ZNF687: variants seen among roughly 807,000 people sequenced by gnomAD.
The protein encoded by ZNF687 is zinc finger protein 687.
In ZNF687, 13 loss-of-function variants were observed where a neutral mutation model predicts 71.8. The ratio of observed to expected loss-of-function variants is 0.18; its 90% confidence interval spans 0.12 to 0.29. The LOEUF (loss-of-function observed/expected upper bound fraction) is 0.29, where lower values mean the gene tolerates loss of function less well. ZNF687 is among the 10% of genes least tolerant of loss of function. The pLI is 1.00. For synonymous variants in ZNF687, 673 were observed against 641.6 expected, an observed-to-expected ratio of 1.05 and a Z score of -0.74; for missense variants, 1,412 against 1,625.6, an observed-to-expected ratio of 0.87 and a Z score of 2.26.
rs267598010 is a variant in ZNF687, at chr1:151,286,768, C to A, written c.477C>A (p.Pro159=). 36 of 1,614,088 alleles carry A rather than the reference C, an allele frequency of 2.2e-5. No individual in the cohort carries two copies. The highest frequency in any genetic ancestry group is 2.9e-5 in the Non-Finnish European group (34 of 1,180,038). ...AAAAAGGCATGGAAGGCAAAACTCCCTTGGACCTGTTTGCTCATTTTGGCC... is the reference window on the plus strand; with the variant it reads ...AAAAAGGCATGGAAGGCAAAACTCCATTGGACCTGTTTGCTCATTTTGGCC... The part of the protein sequence containing the change: ...WKEKGMEGKT[P]LDLFAHFGPE... The change falls in exon 2 of 9, where the codon CCC becomes CCA. Residue 159 remains proline (P), a synonymous_variant. Transcript: ENST00000336715.
upstream of ZNF687, chr1:151,281,600 C>G (rs761949050): frequency 2.1e-6 from 1 of 471,116 alleles, no homozygotes; most frequent in Admixed American, 2.3e-5. Flanking sequence ...CGCCCTCCCG[C>G]AGAGGGAGGA....
Position 151,289,257 on chromosome 1 carries a change from A to C in ZNF687, c.2457A>C (p.Gln819His), listed in dbSNP as rs115912410. 3.4e-3 allele frequency: 5,482 copies of C among 1,613,934 alleles called. 122 individuals carry two copies. The African/African-American group carries it at 0.057, about 17-fold the overall frequency. Residue 819 changes from glutamine (Q) to histidine (H), a missense_variant, in exon 4 of 9, where the codon CAA becomes CAC. Transcript: ENST00000336715. ...TCTACTCCCAGCATCCCAGCTTCCAAACTCAGCAGGCCAAGTGAGGCCCGG... is the reference window on the plus strand; with the variant it reads ...TCTACTCCCAGCATCCCAGCTTCCACACTCAGCAGGCCAAGTGAGGCCCGG... ...AHLYSQHPSF[Q>H]TQQAKLIYKC...
intron 7 of ZNF687, 66 bp downstream of exon 7, chr1:151,290,300 T>C: frequency 6.2e-7 from 1 of 1,607,982 alleles, no homozygotes; most frequent in Non-Finnish European, 8.5e-7. Flanking sequence ...CCAAAGTACC[T>C]GTGCACCTGC....
intron 8 of ZNF687, 24 bp from the exon 9 acceptor site, chr1:151,290,691 C>G: frequency 1.9e-6 from 3 of 1,585,500 alleles, no homozygotes; most frequent in Non-Finnish European, 2.6e-6. Flanking sequence ...GTGGTAAGGC[C>G]CAGTTTCTTC....
In ZNF687 at chr1:151,292,086, C is replaced by T. The variant is rs1032747122; in HGVS notation, c.*877C>T. ...GAGGCATCCGTTCATACCTCATCAC[C>T]CATCTCCCCCTGCACTCCCCCAGAA... On this transcript the variant is annotated 3_prime_UTR_variant, in exon 9 of 9. Coordinates refer to ENST00000336715, the MANE Select transcript of ZNF687 (RefSeq NM_020832.3). 3 of 152,216 alleles carry T rather than the reference C, an allele frequency of 2.0e-5. No individual in the cohort carries two copies. Among genetic ancestry groups the T allele is most frequent in the Admixed American group, 6.5e-5 (1 of 15,274 alleles). The allele number at this position is 152,216 out of a possible 1,614,324, so 9.4% of individuals were successfully genotyped here.
At chr1:151,281,632 CAGG>C, upstream of ZNF687, 1 of 471,022 alleles carries the variant, frequency 2.1e-6, no homozygotes, top group Non-Finnish European at 4.4e-6. Flanking sequence ...CGCTGTCGCC[CAGG>C]AGCTGAACCG....
upstream of ZNF687, chr1:151,282,036 T>C: frequency 7.8e-7 from 1 of 1,275,854 alleles, no homozygotes; most frequent in Non-Finnish European, 1.0e-6. Context: ...TTTACGAGAC[T>C]CGTAGATGGG....
intron 1 of ZNF687, among the ~76,000 whole-genome samples, chr1:151,284,908 CAG>C (rs1387896934): frequency 2.7e-5 from 4 of 145,922 alleles, no homozygotes; most frequent in Non-Finnish European, 6.0e-5. Flanking sequence ...CTCCCGGGCT[CAG>C]GGGATCCTCC....
At position 151,287,147 on chromosome 1, in the gene ZNF687, G is replaced by C. The variant is rs1405832889; in HGVS notation, c.856G>C (p.Glu286Gln). 4.3e-6 allele frequency: 7 copies of C among 1,614,028 alleles called. No individual in the cohort carries two copies. The highest frequency in any genetic ancestry group is 1.7e-5 in the Admixed American group (1 of 60,014). ...PKVPVCQPLK[E>Q]EDDDEGPVDK... is the part of the protein sequence containing the mutation. The stretch of plus-strand genomic sequence containing the variant: ...AGTGCCCGTCTGTCAGCCCTTGAAG[G>C]AAGAAGATGATGATGAGGGGCCAGT... Residue 286 changes from glutamate to glutamine, a missense_variant, in exon 2 of 9, where the codon GAA becomes CAA. Glu to Gln is a conservative substitution (Grantham distance 29, BLOSUM62 2). Coordinates refer to ENST00000336715, the MANE Select transcript of ZNF687 (RefSeq NM_020832.3). The surrounding 1 kb of genome is among the most constrained non-coding windows in gnomAD (Gnocchi z 5.0).
At position 151,292,133 on chromosome 1, in the gene ZNF687, G is replaced by GCTAA. The variant is rs772854646; in HGVS notation, c.*929_*932dup. The GCTAA allele has an allele frequency of 3.5e-4, 53 of 152,406 alleles. No homozygotes were observed. The highest frequency in any genetic ancestry group is 1.3e-3 in the African/African-American group (53 of 41,558). 9.4% of individuals were successfully genotyped at this position (152,406 alleles called of 1,614,324 possible). ...AGAAAACCTGGAAATGACACAAGTG[G>GCTAA]CTAACTAAGGACTTTATTTCAAACA... is the stretch of plus-strand genomic sequence containing the variant. On this transcript the variant is annotated 3_prime_UTR_variant, in exon 9 of 9. Transcript: ENST00000336715.
Position 151,287,217 on chromosome 1 carries a change from C to T in ZNF687, c.926C>T (p.Ala309Val). 1 of 1,614,184 alleles carries T rather than the reference C, an allele frequency of 6.2e-7. No homozygotes were observed. Among genetic ancestry groups the T allele is most frequent in the South Asian group, 1.1e-5 (1 of 91,088 alleles). ...PGSPQSPSSG[A>V]EAADEDSNDS... ...AGTCCCCAGAGTCCCTCTAGTGGGG[C>T]CGAGGCTGCAGATGAGGACAGCAAT... The change falls in exon 2 of 9, where the codon GCC becomes GTC. Residue 309 changes from alanine to valine, a missense_variant. Physicochemically the swap from Ala to Val is moderately conservative, Grantham distance 64. Coordinates refer to ENST00000336715, the MANE Select transcript of ZNF687 (RefSeq NM_020832.3). This position sits in a 1 kb window ranked among gnomAD's most constrained non-coding sequence, Gnocchi z 5.0.
At chr1:151,290,052 G>A (rs995705264) in intron 6 of ZNF687, 45 bp downstream of exon 6, 5 of 1,607,412 alleles carry the variant, frequency 3.1e-6, no homozygotes, top group Non-Finnish European at 4.3e-6. Flanking sequence ...GGGCAGCATT[G>A]GGACTGCCAG....
chr1:151,288,644 A>G lies in ZNF687; in HGVS notation c.2232A>G (p.Gln744=). Residue 744 remains glutamine (Q), a synonymous_variant, in exon 3 of 9, where the codon CAA becomes CAG. Coordinates refer to ENST00000336715, the MANE Select transcript of ZNF687 (RefSeq NM_020832.3). ...CTGAGTGTGGGGGCAACTTCCTGCA[A>G]GCCAATTTTCAGACCCATCTCCGGG... is the stretch of plus-strand genomic sequence containing the variant. The part of the protein sequence containing the change: ...VCPECGGNFL[Q]ANFQTHLREA... The G allele has an allele frequency of 6.2e-7, 1 of 1,614,096 alleles. No individual in the cohort carries two copies. The highest frequency in any genetic ancestry group is 1.3e-5 in the African/African-American group (1 of 75,026).
intron 1 of ZNF687, chr1:151,283,961 A>T (rs944463255): frequency 1.9e-4 from 188 of 985,312 alleles, no homozygotes; most frequent in Non-Finnish European, 2.2e-4. Context: ...TTCTTCGTAG[A>T]TACAGAAACA....
At chr1:151,284,442 C>T (rs946004141) in intron 1 of ZNF687, among the ~76,000 whole-genome samples, 36 of 152,066 alleles carry the variant, frequency 2.4e-4, no homozygotes, top group Non-Finnish European at 1.2e-4. Context: ...ACCATTTTCC[C>T]CTCTGTCTCT....
In ZNF687 at chr1:151,290,593, G is replaced by A. The variant is rs1256105275; in HGVS notation, c.3219+20G>A. Reference sequence around the variant, plus strand: ...GCCCAGGTAGGCAGAGGCCCGGCCTGCTGTGCTAGGGCTTTGAGTGGGAAA... The same window carrying A: ...GCCCAGGTAGGCAGAGGCCCGGCCTACTGTGCTAGGGCTTTGAGTGGGAAA... On this transcript the variant is annotated intron_variant, in intron 8 of 8. Transcript: ENST00000336715. The A allele has an allele frequency of 1.2e-6, 2 of 1,607,874 alleles. No homozygotes were observed. Among genetic ancestry groups the A allele is most frequent in the African/African-American group, 1.3e-5 (1 of 74,812 alleles).
At position 151,291,223 on chromosome 1, in the gene ZNF687, G is replaced by C; in HGVS notation, c.*14G>C. 2.5e-6 allele frequency: 4 copies of C among 1,594,064 alleles called. No homozygotes were observed. The highest frequency in any genetic ancestry group is 2.2e-5 in the East Asian group (1 of 44,580). On this transcript the variant is annotated 3_prime_UTR_variant, in exon 9 of 9. Transcript: ENST00000336715. ...GGGGACAACTAGTCTCCAAGGCCTG[G>C]GACTGACCAGCCCCTTCCTCTTGGA... is the stretch of plus-strand genomic sequence containing the variant.
chr1:151,289,110 A>T lies in ZNF687; in HGVS notation c.2310A>T (p.Ser770=). The T allele has an allele frequency of 6.2e-7, 1 of 1,614,136 alleles. No homozygotes were observed. Among genetic ancestry groups the T allele is most frequent in the Non-Finnish European group, 8.5e-7 (1 of 1,179,990 alleles). ...RRVGYRCPSC[S]VVFGGVNSIK... ...TCCTCCCTAGGTGCCCCAGCTGTTC[A>T]GTGGTGTTTGGGGGTGTGAACTCCA... Residue 770 remains serine, a synonymous_variant, in exon 4 of 9, where the codon TCA becomes TCT. Transcript: ENST00000336715.
intron 3 of ZNF687, 115 bp from the exon 4 acceptor site, chr1:151,288,980 C>T (rs974746004): frequency 1.0e-4 from 121 of 1,200,178 alleles, no homozygotes; most frequent in Non-Finnish European, 1.4e-4. Context: ...TGCTCATGCT[C>T]CACTACTGAT....
Sources: allele counts gnomAD v4.1 joint callset (sites outside exome capture counted in the v4.1 genomes callset), GRCh38; gene constraint gnomAD v4.1.1; non-coding constraint Gnocchi (gnomAD v3.1); transcripts MANE v1.5; gene names NCBI Gene and HGNC (gene_info 2026-07-23, HGNC 2026-07-21).